VPS13B: variants seen among roughly 807,000 people sequenced by gnomAD.
VPS13B encodes vacuolar protein sorting 13 homolog B, also known as intermembrane lipid transfer protein VPS13B.
In VPS13B, 285 loss-of-function variants were observed where a neutral mutation model predicts 426.4. The ratio of observed to expected loss-of-function variants is 0.67; its 90% CI spans 0.61 to 0.74. VPS13B has a LOEUF of 0.74. Ranked by LOEUF, VPS13B falls within the 30% of genes least tolerant of loss-of-function variation. VPS13B has a pLI of 0.00. For missense variants in VPS13B, 4,537 were observed against 4,782.6 expected (o/e 0.95, Z 1.51); for synonymous variants, 1,676 against 1,676.4 (o/e 1.00, Z 0.01).
At chr8:99,323,800 C>G (rs1179042230) in intron 19 of VPS13B, among the ~76,000 whole-genome samples, 1 of 152,164 alleles carries the variant, frequency 6.6e-6, no homozygotes, top group African/African-American at 2.4e-5. Context: ...CTTGATTGTG[C>G]TCTGATACAA....
chr8:99,311,467 T>C (rs927635985), intron 19 of VPS13B, among the ~76,000 whole-genome samples: 1 of 152,244 alleles, frequency 6.6e-6, no homozygotes. Context: ...AGTTTCCATG[T>C]AGTTGAGTGG....
At position 99,755,612 on chromosome 8, in the gene VPS13B, A is replaced by G. The variant is rs4735643; in HGVS notation, c.7051-11162A>G. 1.7e-3 allele frequency among the ~76,000 whole-genome samples: 256 copies of G among 152,154 alleles called. 3 individuals carry two copies. The highest frequency in any genetic ancestry group is 0.015 in the Admixed American group (232 of 15,276). ...TGGTGAAACCCCATCTCTACTAAAA[A>G]TACAAAAATTAGTTGGGTGTGGTGG... On this transcript the variant is annotated intron_variant, in intron 39 of 61. Coordinates refer to ENST00000357162, the MANE Select transcript of VPS13B (RefSeq NM_152564.5).
intron 21 of VPS13B, among the ~76,000 whole-genome samples, chr8:99,424,052 T>G (rs547608207): frequency 6.6e-6 from 1 of 152,286 alleles, no homozygotes; most frequent in African/African-American, 2.4e-5. Flanking sequence ...TAAGTCTCTT[T>G]GTAGGTCTCT....
intron 39 of VPS13B, among the ~76,000 whole-genome samples, chr8:99,730,405 C>T (rs554788759): frequency 1.3e-5 from 2 of 152,136 alleles, no homozygotes; most frequent in Non-Finnish European, 2.9e-5. Context: ...GCTGGATCAA[C>T]TGCTAAGTGT....
At chr8:99,492,050 T>G (rs148213568) in intron 25 of VPS13B, among the ~76,000 whole-genome samples, 47 of 152,322 alleles carry the variant, frequency 3.1e-4, no homozygotes, top group African/African-American at 1.1e-3. Flanking sequence ...GGTTTTGGTG[T>G]GGATGTCCTT....
At chr8:99,374,504 C>T (rs904496796) in intron 19 of VPS13B, among the ~76,000 whole-genome samples, 4 of 151,874 alleles carry the variant, frequency 2.6e-5, no homozygotes, top group Non-Finnish European at 4.4e-5. Flanking sequence ...ATATCTGGGC[C>T]ACTTCTGGGA....
At chr8:99,376,322 G>T (rs77968371) in intron 19 of VPS13B, among the ~76,000 whole-genome samples, 3,312 of 152,222 alleles carry the variant, frequency 0.022, 127 homozygotes, top group African/African-American at 0.076. Context: ...TTGAGTATAT[G>T]ATGAAAATCT....
rs984334659 is a variant in VPS13B at position 99,612,861 on chromosome 8, AC to A, written c.5221-28944del. 2.0e-4 allele frequency among the ~76,000 whole-genome samples: 30 copies of A among 151,226 alleles called. No individual in the cohort carries two copies. The East Asian group carries it at 5.1e-3, about 26-fold the overall frequency. On this transcript the variant is annotated intron_variant, in intron 33 of 61. Transcript: ENST00000357162. ...TCAACTTTTTCCACTTCCTACTCTG[AC>A]CCCCCTCCCTATTTTCCTACTATCA...
intron 2 of VPS13B, among the ~76,000 whole-genome samples, chr8:99,037,189 T>C (rs1842782673): frequency 1.3e-5 from 2 of 152,114 alleles, no homozygotes; most frequent in Admixed American, 6.5e-5. Flanking sequence ...TTAAAAATAC[T>C]GTGATAATGA....
At chr8:99,156,001 T>C (rs1384820445) in intron 14 of VPS13B, among the ~76,000 whole-genome samples, 1 of 152,210 alleles carries the variant, frequency 6.6e-6, no homozygotes, top group Non-Finnish European at 1.5e-5. Context: ...CTGAGAATAC[T>C]GTGCCGTCCT....
intron 24 of VPS13B, among the ~76,000 whole-genome samples, chr8:99,477,371 A>C (rs530280431): frequency 6.6e-6 from 1 of 152,214 alleles, no homozygotes; most frequent in Admixed American, 6.5e-5. Flanking sequence ...TGTTTTTAAA[A>C]TATATTTGTT....
At chr8:99,313,771 G>A (rs1344689100) in intron 19 of VPS13B, among the ~76,000 whole-genome samples, 2 of 152,198 alleles carry the variant, frequency 1.3e-5, no homozygotes, top group Admixed American at 6.5e-5. Flanking sequence ...CAGAGGTGGA[G>A]TCTACAGAGT....
intron 44 of VPS13B, among the ~76,000 whole-genome samples, chr8:99,809,895 C>T (rs1813609611): frequency 6.6e-6 from 1 of 152,152 alleles, no homozygotes; most frequent in South Asian, 2.1e-4. Flanking sequence ...GGATAATCCA[C>T]CAGCGGATAA....
chr8:99,613,558 A>G (rs985559346), intron 33 of VPS13B, among the ~76,000 whole-genome samples: 1 of 152,154 alleles, frequency 6.6e-6, no homozygotes, highest in Admixed American at 6.5e-5. Flanking sequence ...GGTGCTTAAT[A>G]TGTTTTGTTG....
intron 16 of VPS13B, among the ~76,000 whole-genome samples, chr8:99,171,900 A>G (rs1812356118): frequency 6.6e-6 from 1 of 152,166 alleles, no homozygotes; most frequent in African/African-American, 2.4e-5. Flanking sequence ...CTTAAGCAGT[A>G]TGTCCTATAA....
intron 33 of VPS13B, among the ~76,000 whole-genome samples, chr8:99,601,285 T>A (rs1337782599): frequency 6.6e-6 from 1 of 152,184 alleles, no homozygotes; most frequent in East Asian, 1.9e-4. Context: ...TTGCTGAGAA[T>A]GATAGTTTCC....
intron 33 of VPS13B, among the ~76,000 whole-genome samples, chr8:99,597,361 T>G (rs576941821): frequency 6.6e-6 from 1 of 152,128 alleles, no homozygotes; most frequent in East Asian, 1.9e-4. Flanking sequence ...ATACTGAAGC[T>G]TTCATTGTTC....
intron 36 of VPS13B, among the ~76,000 whole-genome samples, chr8:99,716,649 C>T (rs1832934341): frequency 6.6e-6 from 1 of 152,124 alleles, no homozygotes; most frequent in African/African-American, 2.4e-5. Flanking sequence ...TTGTAAACTT[C>T]AAGTGGTTAT....
chr8:99,485,830 A>T (rs977327640), intron 25 of VPS13B, among the ~76,000 whole-genome samples: 3 of 152,200 alleles, frequency 2.0e-5, no homozygotes, highest in Non-Finnish European at 4.4e-5. Context: ...CAAACAAAAA[A>T]GTATTTATAT....
Sources: allele counts gnomAD v4.1 joint callset (sites outside exome capture counted in the v4.1 genomes callset), GRCh38; gene constraint gnomAD v4.1.1; transcripts MANE v1.5; gene names NCBI Gene and HGNC (gene_info 2026-07-23, HGNC 2026-07-21).